Variants in GIGYF2 observed in about 807,000 individuals in gnomAD.
GIGYF2 encodes GRB10 interacting GYF protein 2.
Under a neutral mutation model 208.1 loss-of-function variants are expected in GIGYF2, and 25 were observed. That is an observed-to-expected ratio of 0.12 (90% CI 0.09 to 0.17). The LOEUF is 0.17. GIGYF2 is among the 10% of genes least tolerant of loss of function. The probability of loss-of-function intolerance (pLI) is 1.00; values close to 1 mark genes in which losing one functional copy is unlikely to be tolerated. For missense variants in GIGYF2, 1,302 were observed against 1,579.4 expected, an observed-to-expected ratio of 0.82 and a Z score of 2.98; for synonymous variants, 534 against 543.8, an observed-to-expected ratio of 0.98 and a Z score of 0.25.
rs973964662 is a variant in GIGYF2 at position 232,739,838 on chromosome 2, G to T, written c.41+4600G>T. Among the ~76,000 whole-genome samples, 6 of 150,784 alleles carry T rather than the reference G, an allele frequency of 4.0e-5. 1 individual carries two copies. The highest frequency in any genetic ancestry group is 1.2e-4 in the African/African-American group (5 of 40,952). ...ATTTAGGCCGGGCGCGGTGGCACATGCCTGTAATCCCAGCACTTTGGGAGG... is the reference window on the plus strand; with the variant it reads ...ATTTAGGCCGGGCGCGGTGGCACATTCCTGTAATCCCAGCACTTTGGGAGG... On this transcript the variant is annotated intron_variant, in intron 3 of 28. Transcript: ENST00000373563.
intron 2 of GIGYF2, among the ~76,000 whole-genome samples, chr2:232,717,653 C>T (rs1440810583): frequency 2.0e-5 from 3 of 152,118 alleles, no homozygotes; most frequent in African/African-American, 7.2e-5. Flanking sequence ...GTACAAGAAA[C>T]ATCTGCTTCT....
At chr2:232,712,647 T>C (rs1696475559) in intron 2 of GIGYF2, among the ~76,000 whole-genome samples, 1 of 152,142 alleles carries the variant, frequency 6.6e-6, no homozygotes. Flanking sequence ...ATTCTCAAAC[T>C]AGCAAATGAG....
At chr2:232,739,361 A>T (rs868400957) in intron 3 of GIGYF2, among the ~76,000 whole-genome samples, 1 of 75,650 alleles carries the variant, frequency 1.3e-5, no homozygotes, top group Non-Finnish European at 2.5e-5. Context: ...ACAAAAGCAA[A>T]CCCCCCCCCC....
At chr2:232,705,060 C>T (rs1340395358) in intron 2 of GIGYF2, among the ~76,000 whole-genome samples, 9 of 151,218 alleles carry the variant, frequency 6.0e-5, no homozygotes, top group Non-Finnish European at 8.9e-5. Context: ...GGGGTTTCAC[C>T]GTGTTAGCCA....
At chr2:232,702,829 C>T (rs1005317976) in intron 1 of GIGYF2, among the ~76,000 whole-genome samples, 7 of 152,216 alleles carry the variant, frequency 4.6e-5, no homozygotes, top group Non-Finnish European at 1.0e-4. Context: ...AGGTCTCACT[C>T]TGTCACCCAG....
chr2:232,830,817 CA>C (rs34274134), intron 21 of GIGYF2, among the ~76,000 whole-genome samples: 96,638 of 150,320 alleles, frequency 0.64, 31,215 homozygotes, highest in Admixed American at 0.68. Flanking sequence ...CCTGTCTCTA[CA>C]AAAAAAAAAT....
intron 8 of GIGYF2, among the ~76,000 whole-genome samples, chr2:232,781,737 A>G (rs562064980): frequency 2.6e-5 from 4 of 152,270 alleles, no homozygotes; most frequent in African/African-American, 9.6e-5. Flanking sequence ...CTGTCTTCCC[A>G]TTTCAGTTTC....
In GIGYF2 at chr2:232,761,281, T is replaced by A. The variant is rs1004007710; in HGVS notation, c.492-115T>A. 43 of 711,868 alleles carry A rather than the reference T, an allele frequency of 6.0e-5. No individual in the cohort carries two copies. In the African/African-American group the frequency reaches 7.1e-4, roughly 12 times the overall value. 44.1% of individuals were successfully genotyped at this position (711,868 alleles called of 1,614,324 possible). A position where few individuals can be genotyped will look rare whatever the true frequency, so the allele number is the denominator to read the frequency against. ...ATATTAGGCAATAACTATGTATTTA[T>A]TTGTTTTGTAATTTGAAGAAGAAAT... On this transcript the variant is annotated intron_variant, in intron 7 of 28. Transcript: ENST00000373563.
chr2:232,730,674 G>A (rs1333297963), intron 2 of GIGYF2, among the ~76,000 whole-genome samples: 3 of 148,044 alleles, frequency 2.0e-5, no homozygotes, highest in Admixed American at 6.7e-5. Context: ...CGAGGCGGGC[G>A]GATCACGAGG....
rs373772302 is a variant in GIGYF2 at position 232,739,280 on chromosome 2, C to T, written c.41+4042C>T. Among the ~76,000 whole-genome samples the T allele has an allele frequency of 1.5e-4, 23 of 151,126 alleles. No homozygotes were observed. The South Asian group carries it at 4.6e-3, about 30-fold the overall frequency. On this transcript the variant is annotated intron_variant, in intron 3 of 28. Coordinates refer to ENST00000373563, the MANE Select transcript of GIGYF2 (RefSeq NM_001103146.3). Reference sequence around the variant, plus strand: ...GGCTGAGACAGGAGAATCGTTTGAACCCAGGAGGCGGAAGTTGCAGTGAGC... The same window carrying T: ...GGCTGAGACAGGAGAATCGTTTGAATCCAGGAGGCGGAAGTTGCAGTGAGC...
At chr2:232,757,345 A>G (rs1417869453) in intron 6 of GIGYF2, among the ~76,000 whole-genome samples, 2 of 146,932 alleles carry the variant, frequency 1.4e-5, no homozygotes, top group South Asian at 2.1e-4. Flanking sequence ...TTATTTGTCC[A>G]TCTTTAGAGA....
rs1470735243 is a variant in GIGYF2, at chr2:232,860,007, C to G, written c.*3147C>G. The G allele has an allele frequency of 6.7e-6, 1 of 148,392 alleles. No individual in the cohort carries two copies. Among genetic ancestry groups the G allele is most frequent in the East Asian group, 2.1e-4 (1 of 4,860 alleles). 9.2% of individuals were successfully genotyped at this position (148,392 alleles called of 1,614,324 possible). A position where few individuals can be genotyped will look rare whatever the true frequency, so the allele number is the denominator to read the frequency against. On this transcript the variant is annotated 3_prime_UTR_variant, in exon 29 of 29. Transcript: ENST00000373563. ...CATGGCCCTCTCCCTGCAACCCCCT[C>G]CCCCCCCGCCTTGATGAAAGGAGTG...
In GIGYF2 at chr2:232,754,800, T is replaced by C. The variant is rs1275503494; in HGVS notation, c.268-1423T>C. Among the ~76,000 whole-genome samples, 8 of 152,224 alleles carry C rather than the reference T, an allele frequency of 5.3e-5. No individual in the cohort carries two copies. In the East Asian group the frequency reaches 1.4e-3, roughly 26 times the overall value. On this transcript the variant is annotated intron_variant, in intron 5 of 28. Transcript: ENST00000373563. The stretch of plus-strand genomic sequence containing the variant: ...TGAAATAGAAATATAATTTTTGAGT[T>C]TGGTGTCTTTTATTTTTAGTTGTCA...
At chr2:232,744,518 G>A (rs555931399) in intron 3 of GIGYF2, among the ~76,000 whole-genome samples, 1 of 151,490 alleles carries the variant, frequency 6.6e-6, no homozygotes, top group Non-Finnish European at 1.5e-5. Context: ...TGGAAAGATT[G>A]TGTTTTTTTT....
intron 2 of GIGYF2, among the ~76,000 whole-genome samples, chr2:232,713,312 A>G (rs565640353): frequency 6.6e-6 from 1 of 152,222 alleles, no homozygotes; most frequent in Non-Finnish European, 1.5e-5. Context: ...TCCTGACCTC[A>G]AGTGATCGGC....
chr2:232,768,084 TAG>T (rs1410066606), intron 8 of GIGYF2: 2 of 1,088,316 alleles, frequency 1.8e-6, no homozygotes, highest in African/African-American at 3.1e-5. Context: ...TACCGTGATG[TAG>T]AGAGCTATAA....
At chr2:232,801,264 C>T (rs1381518116) in intron 14 of GIGYF2, among the ~76,000 whole-genome samples, 2 of 152,162 alleles carry the variant, frequency 1.3e-5, no homozygotes, top group East Asian at 3.9e-4. Flanking sequence ...CGTGGTGGCT[C>T]ATGCCTGTAA....
At chr2:232,795,387 T>C (rs1700194095) in intron 13 of GIGYF2, among the ~76,000 whole-genome samples, 1 of 152,212 alleles carries the variant, frequency 6.6e-6, no homozygotes, top group South Asian at 2.1e-4. Flanking sequence ...AAGTAAGTGA[T>C]AGCTTGCTTT....
Position 232,811,281 on chromosome 2 carries a change from G to A in GIGYF2, c.1936G>A (p.Ala646Thr). 2 of 1,612,554 alleles carry A rather than the reference G, an allele frequency of 1.2e-6. No individual in the cohort carries two copies. The highest frequency in any genetic ancestry group is 1.7e-6 in the Non-Finnish European group (2 of 1,178,666). Reference sequence around the variant, plus strand: ...ACAGGTTTTGGCCCAACAGCAGAAAGCAGCACTGTCTTCCCAGCAGCAGCA... The same window carrying A: ...ACAGGTTTTGGCCCAACAGCAGAAAACAGCACTGTCTTCCCAGCAGCAGCA... ...YAQVLAQQQK[A>T]ALSSQQQQQL... Residue 646 changes from alanine (A) to threonine (T), a missense_variant, in exon 17 of 29, where the codon GCA becomes ACA. Ala to Thr is a moderately conservative substitution (Grantham distance 58). Around this residue, in one of 8 missense-constraint regions of GIGYF2, gnomAD observed 701 missense variants for 793.0 expected, o/e 0.88. Transcript: ENST00000373563.
Sources: allele counts gnomAD v4.1 joint callset (sites outside exome capture counted in the v4.1 genomes callset), GRCh38; gene constraint gnomAD v4.1.1; regional missense constraint gnomAD v4.1.1; transcripts MANE v1.5; gene names NCBI Gene and HGNC (gene_info 2026-07-23, HGNC 2026-07-21).